Variants in ARHGAP28 observed in about 807,000 individuals in gnomAD.
ARHGAP28 encodes the protein Rho GTPase activating protein 28.
ARHGAP28 carries 56 observed loss-of-function variants against 90.7 expected under a neutral mutation model. The ratio of observed to expected loss-of-function variants is 0.62; its 90% CI spans 0.50 to 0.77. The LOEUF is 0.77. ARHGAP28 is among the 30% of genes least tolerant of loss of function. The pLI is 0.00. For missense variants in ARHGAP28, 869 were observed against 900.9 expected (o/e 0.96, Z 0.45); for synonymous variants, 308 against 323.3 (o/e 0.95, Z 0.51).
chr18:6,772,475 A>G (rs976768037), intron 1 of ARHGAP28, among the ~76,000 whole-genome samples: 1 of 152,192 alleles, frequency 6.6e-6, no homozygotes, highest in African/African-American at 2.4e-5. Flanking sequence ...TTCTGTAGAG[A>G]CCATACTTGG....
chr18:6,913,543 C>G lies in ARHGAP28; in HGVS notation c.*1389C>G, dbSNP rs1030116130. 2 of 152,152 alleles carry G rather than the reference C, an allele frequency of 1.3e-5. No individual in the cohort carries two copies. Among genetic ancestry groups the G allele is most frequent in the African/African-American group, 4.8e-5 (2 of 41,430 alleles). The allele number at this position is 152,152 out of a possible 1,614,324, so 9.4% of individuals were successfully genotyped here. A position where few individuals can be genotyped will look rare whatever the true frequency, so the allele number is the denominator to read the frequency against. On this transcript the variant is annotated 3_prime_UTR_variant, in exon 18 of 18. Coordinates refer to ENST00000383472, the MANE Select transcript of ARHGAP28 (RefSeq NM_001366230.1). ...CAGTAGACAAAGTTGCTCACAAATA[C>G]AGAAAACATCTTTTTGTCTACTTCG...
chr18:6,911,536 A>G (rs1375933696), intron 17 of ARHGAP28, among the ~76,000 whole-genome samples: 2 of 151,868 alleles, frequency 1.3e-5, no homozygotes, highest in African/African-American at 4.8e-5. Flanking sequence ...CCCAGGTTCA[A>G]GTGATTCTCC....
intron 1 of ARHGAP28, 66 bp downstream of exon 1, chr18:6,730,009 T>C: frequency 3.1e-6 from 4 of 1,283,048 alleles, no homozygotes; most frequent in Non-Finnish European, 3.9e-6. Flanking sequence ...GCCGTGCAGC[T>C]GCGCCTTGTG....
At position 6,915,667 on chromosome 18, in the gene ARHGAP28, T is replaced by G. The variant is rs192036125; in HGVS notation, c.*3513T>G. 9.8e-4 allele frequency: 150 copies of G among 152,318 alleles called. No individual in the cohort carries two copies. Among genetic ancestry groups the G allele is most frequent in the African/African-American group, 3.4e-3 (142 of 41,562 alleles). 9.4% of individuals were successfully genotyped at this position (152,318 alleles called of 1,614,324 possible). A position where few individuals can be genotyped will look rare whatever the true frequency, so the allele number is the denominator to read the frequency against. On this transcript the variant is annotated 3_prime_UTR_variant, in exon 18 of 18. Transcript: ENST00000383472. ...CATCAGCTTTCATTGTTAAGTAGAA[T>G]ATGTATGTTGCATTTTATCCATAAG...
At chr18:6,895,280 T>G (rs1268800456) in intron 15 of ARHGAP28, among the ~76,000 whole-genome samples, 1 of 151,970 alleles carries the variant, frequency 6.6e-6, no homozygotes, top group Non-Finnish European at 1.5e-5. Context: ...CCCACCCAGA[T>G]CCAAATCCCT....
intron 10 of ARHGAP28, among the ~76,000 whole-genome samples, chr18:6,878,323 C>T (rs530241777): frequency 1.5e-3 from 187 of 124,338 alleles, no homozygotes; most frequent in African/African-American, 5.8e-3. Flanking sequence ...GGAAGGGGAA[C>T]ATCACACTCT....
At chr18:6,816,389 TA>T (rs1244010451) in intron 1 of ARHGAP28, among the ~76,000 whole-genome samples, 3 of 152,144 alleles carry the variant, frequency 2.0e-5, no homozygotes, top group Non-Finnish European at 4.4e-5. Flanking sequence ...CTGAGGAAGC[TA>T]AAAGGGCAGA....
chr18:6,831,488 C>CTTTTTTTTTTTTTTTTTTTTTT (rs76200243), intron 2 of ARHGAP28, among the ~76,000 whole-genome samples: 1 of 69,620 alleles, frequency 1.4e-5, no homozygotes, highest in Non-Finnish European at 3.1e-5. Context: ...TTTTTTTTTT[C>CTTTTTTTTTTTTTTTTTTTTTT]TTTTTTTTTT....
At chr18:6,770,394 C>G (rs1219037490) in intron 1 of ARHGAP28, among the ~76,000 whole-genome samples, 1 of 152,192 alleles carries the variant, frequency 6.6e-6, no homozygotes, top group Non-Finnish European at 1.5e-5. Flanking sequence ...AGCAATTCTA[C>G]AGGAAAAAGC....
At chr18:6,911,963 C>T (rs1461955227) in intron 17 of ARHGAP28, 97 bp from the exon 18 acceptor site, 25 of 673,320 alleles carry the variant, frequency 3.7e-5, no homozygotes, top group Non-Finnish European at 5.1e-5. Flanking sequence ...CTATATTAAC[C>T]TTATTTGAAC....
chr18:6,741,399 G>A (rs1004467934), intron 1 of ARHGAP28, among the ~76,000 whole-genome samples: 5 of 152,282 alleles, frequency 3.3e-5, no homozygotes, highest in African/African-American at 1.2e-4. Flanking sequence ...GCAGGCTAGA[G>A]GACTCCCACC....
At chr18:6,807,730 A>G (rs1179644419) in intron 1 of ARHGAP28, among the ~76,000 whole-genome samples, 2 of 152,158 alleles carry the variant, frequency 1.3e-5, no homozygotes, top group Admixed American at 6.6e-5. Flanking sequence ...TGCTGATTCT[A>G]TTCAGCTGAA....
At chr18:6,733,291 C>T (rs1018822750) in intron 1 of ARHGAP28, among the ~76,000 whole-genome samples, 4 of 151,956 alleles carry the variant, frequency 2.6e-5, no homozygotes, top group Non-Finnish European at 5.9e-5. Context: ...ATAGATTATC[C>T]TTTGTCCATC....
chr18:6,848,990 C>T (rs1292536141), intron 3 of ARHGAP28, among the ~76,000 whole-genome samples: 3 of 151,820 alleles, frequency 2.0e-5, no homozygotes, highest in African/African-American at 7.3e-5. Context: ...CAGCTTACAC[C>T]TGTAATTCTA....
In ARHGAP28 at chr18:6,729,897, G is replaced by C. The variant is rs2055860626; in HGVS notation, c.76G>C (p.Glu26Gln). 1 of 1,423,178 alleles carries C rather than the reference G, an allele frequency of 7.0e-7. No individual in the cohort carries two copies. The highest frequency in any genetic ancestry group is 1.4e-5 in the South Asian group (1 of 69,086). The allele number at this position is 1,423,178 out of a possible 1,614,324, so 88.2% of individuals were successfully genotyped here. Reference protein sequence around the residue: ...SYARAQPPNAESRCAPRAAAS... With the variant: ...SYARAQPPNAQSRCAPRAAAS... ...CGCGCGCGCCCAGCCCCCCAACGCC[G>C]AGTCGCGCTGCGCGCCCCGCGCCGC... The change falls in exon 1 of 18, where the codon GAG becomes CAG. Residue 26 changes from glutamate (E) to glutamine (Q), a missense_variant. Coordinates refer to ENST00000383472, the MANE Select transcript of ARHGAP28 (RefSeq NM_001366230.1).
chr18:6,910,850 TTG>T, intron 17 of ARHGAP28, among the ~76,000 whole-genome samples: 2 of 144,944 alleles, frequency 1.4e-5, no homozygotes, highest in Admixed American at 6.8e-5. Context: ...TTTGTTTGCT[TTG>T]TTTTTTTTTT....
At chr18:6,890,160 C>CAACT in intron 13 of ARHGAP28, 75 bp downstream of exon 13, 1 of 1,522,174 alleles carries the variant, frequency 6.6e-7, no homozygotes, top group Non-Finnish European at 9.1e-7. Context: ...CATGATTGGG[C>CAACT]AACTCCCTTG....
At chr18:6,899,867 C>G (rs1191409923) in intron 16 of ARHGAP28, among the ~76,000 whole-genome samples, 1 of 152,174 alleles carries the variant, frequency 6.6e-6, no homozygotes, top group Non-Finnish European at 1.5e-5. Flanking sequence ...CAGTAAGCCC[C>G]AGTGGGGAGC....
At position 6,811,479 on chromosome 18, in the gene ARHGAP28, T is replaced by C. The variant is rs995888793; in HGVS notation, c.123-13283T>C. The stretch of plus-strand genomic sequence containing the variant: ...TGTTCACTTCTTTCAGTAAACATTT[T>C]TGAGGGTTTGCTATGTACAGGTTAC... On this transcript the variant is annotated intron_variant, in intron 1 of 17. Coordinates refer to ENST00000383472, the MANE Select transcript of ARHGAP28 (RefSeq NM_001366230.1). Among the ~76,000 whole-genome samples the C allele has an allele frequency of 3.9e-5, 6 of 152,162 alleles. 1 individual carries two copies. The highest frequency in any genetic ancestry group is 1.9e-4 in the East Asian group (1 of 5,190).
Sources: gnomAD v4.1 joint callset for allele counts (sites outside exome capture counted in the v4.1 genomes callset) on GRCh38, gnomAD v4.1.1 for gene constraint, MANE v1.5 for transcripts, NCBI Gene and HGNC (gene_info 2026-07-23, HGNC 2026-07-21) for gene names.